KLHL1: variants seen among roughly 807,000 people sequenced by gnomAD.
KLHL1 encodes kelch-like protein 1.
A neutral mutation model predicts 77.7 loss-of-function variants in KLHL1; 47 were observed. That is an observed-to-expected ratio of 0.60 (90% CI 0.48 to 0.77). KLHL1 has a LOEUF of 0.77. KLHL1 is among the 30% of genes least tolerant of loss of function. The probability of loss-of-function intolerance (pLI) is 0.00; values close to 1 mark genes in which losing one functional copy is unlikely to be tolerated. For missense variants in KLHL1, 925 were observed against 910.8 expected (o/e 1.02, Z -0.20); for synonymous variants, 360 against 325.2 (o/e 1.11, Z -1.15).
intron 3 of KLHL1, among the ~76,000 whole-genome samples, chr13:69,959,992 T>A (rs1158570761): frequency 6.6e-6 from 1 of 151,964 alleles, no homozygotes; most frequent in Non-Finnish European, 1.5e-5. Flanking sequence ...CCTGTATAAT[T>A]TTGTCTAGAA....
chr13:70,072,816 A>G (rs1887168050), intron 1 of KLHL1, among the ~76,000 whole-genome samples: 1 of 152,088 alleles, frequency 6.6e-6, no homozygotes, highest in Admixed American at 6.6e-5. Flanking sequence ...AAAAACTTTT[A>G]TTTAAAAAAA....
chr13:70,086,115 A>G (rs970592483), intron 1 of KLHL1, among the ~76,000 whole-genome samples: 2 of 152,158 alleles, frequency 1.3e-5, no homozygotes, highest in Non-Finnish European at 2.9e-5. Flanking sequence ...TGGAATCTCC[A>G]CATACTGAGA....
At chr13:69,825,654 C>G (rs1049389109) in intron 6 of KLHL1, among the ~76,000 whole-genome samples, 1 of 152,060 alleles carries the variant, frequency 6.6e-6, no homozygotes, top group African/African-American at 2.4e-5. Flanking sequence ...CACTGTCTAA[C>G]GTATTTCTGT....
intron 3 of KLHL1, among the ~76,000 whole-genome samples, chr13:69,947,046 G>A (rs1489307009): frequency 6.8e-6 from 1 of 146,984 alleles, no homozygotes; most frequent in Non-Finnish European, 1.5e-5. Context: ...GTGTGTGTGT[G>A]TGTGTGTGTG....
At chr13:69,821,523 C>T (rs931732637) in intron 6 of KLHL1, among the ~76,000 whole-genome samples, 1 of 152,034 alleles carries the variant, frequency 6.6e-6, no homozygotes, top group African/African-American at 2.4e-5. Context: ...TCATGTTGGC[C>T]AGGCTGGTCT....
intron 1 of KLHL1, among the ~76,000 whole-genome samples, chr13:69,997,284 T>A (rs1387501775): frequency 2.6e-5 from 4 of 151,884 alleles, no homozygotes; most frequent in African/African-American, 7.2e-5. Context: ...TTTTCTTTTT[T>A]ATTTTTAATT....
intron 8 of KLHL1, 31 bp downstream of exon 8, chr13:69,740,363 A>C (rs1384753135): frequency 8.2e-6 from 12 of 1,469,502 alleles, no homozygotes; most frequent in African/African-American, 1.4e-5. Context: ...TTTTTTTCTA[A>C]GATTAAAAAA....
chr13:69,747,605 G>A (rs944459009), intron 7 of KLHL1, among the ~76,000 whole-genome samples: 2 of 151,906 alleles, frequency 1.3e-5, no homozygotes, highest in Non-Finnish European at 2.9e-5. Context: ...ATTCATGAAA[G>A]AGAATATATA....
At chr13:70,005,433 T>C (rs2137330468) in intron 1 of KLHL1, among the ~76,000 whole-genome samples, 1 of 152,140 alleles carries the variant, frequency 6.6e-6, no homozygotes, top group Admixed American at 6.6e-5. Context: ...CCAACACAAA[T>C]TCATGCAAAC....
At chr13:69,953,670 T>G (rs1883782074) in intron 3 of KLHL1, among the ~76,000 whole-genome samples, 1 of 151,168 alleles carries the variant, frequency 6.6e-6, no homozygotes, top group Non-Finnish European at 1.5e-5. Context: ...GTAGCAAAAT[T>G]ACAAGCTAGT....
At chr13:69,791,070 AAAG>A (rs1319663524) in intron 7 of KLHL1, among the ~76,000 whole-genome samples, 1 of 152,102 alleles carries the variant, frequency 6.6e-6, no homozygotes, top group Non-Finnish European at 1.5e-5. Context: ...CACACATAAA[AAAG>A]AAAAAATAAT....
intron 6 of KLHL1, among the ~76,000 whole-genome samples, chr13:69,801,362 T>C (rs573059424): frequency 3.9e-5 from 6 of 152,314 alleles, no homozygotes; most frequent in African/African-American, 1.4e-4. Context: ...ATTTAAATAA[T>C]GTTTAAGTAC....
At chr13:69,809,805 A>C (rs928217895) in intron 6 of KLHL1, among the ~76,000 whole-genome samples, 2 of 151,992 alleles carry the variant, frequency 1.3e-5, no homozygotes, top group African/African-American at 2.4e-5. Context: ...TCTTCCAGAG[A>C]CCCATCTGAT....
At chr13:69,999,296 C>T (rs1013790011) in intron 1 of KLHL1, among the ~76,000 whole-genome samples, 16 of 151,810 alleles carry the variant, frequency 1.1e-4, no homozygotes, top group African/African-American at 3.1e-4. Flanking sequence ...GCATGATTAC[C>T]GGAAGGCGAA....
chr13:69,945,177 G>C lies in KLHL1; in HGVS notation c.818-4941C>G, dbSNP rs543342635. ...ATTTTTTGTATGTTTAGAACAGACG[G>C]GGTTTCACCATGTTGGCCAGGCTGG... On this transcript the variant is annotated intron_variant, in intron 3 of 10. Transcript: ENST00000377844. Among the ~76,000 whole-genome samples, 194 of 151,556 alleles carry C rather than the reference G, an allele frequency of 1.3e-3. 2 individuals are homozygous for C. The Middle Eastern group carries it at 0.021, about 16-fold the overall frequency.
intron 4 of KLHL1, among the ~76,000 whole-genome samples, chr13:69,929,579 T>C (rs982532786): frequency 1.3e-5 from 2 of 151,890 alleles, no homozygotes; most frequent in African/African-American, 2.4e-5. Context: ...TGTTTTTCCT[T>C]TAATTTTGGT....
intron 4 of KLHL1, among the ~76,000 whole-genome samples, chr13:69,901,773 TTTTC>T (rs1459555066): frequency 1.4e-5 from 2 of 139,340 alleles, no homozygotes; most frequent in African/African-American, 5.1e-5. Flanking sequence ...GAGTTTTTCA[TTTTC>T]TTTCTTTTTC....
intron 1 of KLHL1, among the ~76,000 whole-genome samples, chr13:69,983,616 A>G (rs1359632732): frequency 1.3e-5 from 2 of 150,310 alleles, no homozygotes; most frequent in Admixed American, 1.3e-4. Context: ...GAAAAAAAAA[A>G]AAAAGCTGTG....
At position 69,780,775 on chromosome 13, in the gene KLHL1, T is replaced by C. The variant is rs949522593; in HGVS notation, c.1639+15963A>G. ...ATATATATACACACACATTTATATATAACATATATATTTAAGAAATATTAC... is the reference window on the plus strand; with the variant it reads ...ATATATATACACACACATTTATATACAACATATATATTTAAGAAATATTAC... On this transcript the variant is annotated intron_variant, in intron 7 of 10. Transcript: ENST00000377844. Among the ~76,000 whole-genome samples the C allele has an allele frequency of 3.3e-4, 46 of 140,650 alleles. 1 individual carries two copies. The highest frequency in any genetic ancestry group is 6.1e-4 in the Non-Finnish European group (40 of 65,710). 92.3% of individuals were successfully genotyped at this position (140,650 alleles called of 152,430 possible). A position where few individuals can be genotyped will look rare whatever the true frequency, so the allele number is the denominator to read the frequency against.
Sources: allele counts gnomAD v4.1 joint callset (sites outside exome capture counted in the v4.1 genomes callset), GRCh38; gene constraint gnomAD v4.1.1; transcripts MANE v1.5; gene names NCBI Gene and HGNC (gene_info 2026-07-23, HGNC 2026-07-21).